Variants in CTNNA3 observed in about 807,000 individuals in gnomAD.
CTNNA3 encodes catenin alpha 3, also known as catenin alpha-3.
In CTNNA3, 76 loss-of-function variants were observed where a neutral mutation model predicts 95.7. The observed-to-expected ratio is 0.79, with a 90% CI of 0.66 to 0.96. CTNNA3 has a LOEUF of 0.96. CTNNA3 is among the 40% of genes least tolerant of loss of function. The pLI, the probability that CTNNA3 is intolerant of heterozygous loss-of-function variation, is 0.00. For synonymous variants in CTNNA3, 431 were observed against 374.4 expected (o/e 1.15, Z -1.74); for missense variants, 1,191 against 1,089.8 (o/e 1.09, Z -1.31).
chr10:65,930,444 T>A (rs2077235062), intron 17 of CTNNA3, among the ~76,000 whole-genome samples: 1 of 152,114 alleles, frequency 6.6e-6, no homozygotes, highest in East Asian at 1.9e-4. Context: ...TCTGTCAATT[T>A]TCTCCCATTG....
At chr10:66,160,180 G>A (rs1467204355) in intron 13 of CTNNA3, among the ~76,000 whole-genome samples, 1 of 151,468 alleles carries the variant, frequency 6.6e-6, no homozygotes, top group Non-Finnish European at 1.5e-5. Flanking sequence ...ATTTCATTTA[G>A]TTCTGCTTGG....
intron 10 of CTNNA3, among the ~76,000 whole-genome samples, chr10:66,584,196 T>C (rs1564549042): frequency 6.6e-6 from 1 of 152,028 alleles, no homozygotes; most frequent in Non-Finnish European, 1.5e-5. Flanking sequence ...GTTAGGCTCA[T>C]TTTTTCTAGA....
chr10:66,338,882 G>A (rs182433585), intron 12 of CTNNA3, among the ~76,000 whole-genome samples: 13 of 151,776 alleles, frequency 8.6e-5, no homozygotes, highest in Admixed American at 1.3e-4. Flanking sequence ...AAAATGTTAC[G>A]CATGAAATAA....
intron 1 of CTNNA3, among the ~76,000 whole-genome samples, chr10:67,744,214 A>G (rs1841360339): frequency 6.6e-6 from 1 of 151,358 alleles, no homozygotes. Context: ...AAGCCAAAAG[A>G]ACAAAGCTGG....
At chr10:66,631,160 A>C (rs1361861381) in intron 9 of CTNNA3, among the ~76,000 whole-genome samples, 1 of 152,172 alleles carries the variant, frequency 6.6e-6, no homozygotes, top group Non-Finnish European at 1.5e-5. Flanking sequence ...CCTCAATCAC[A>C]CAATCCGGTC....
At chr10:66,302,220 T>C (rs1468587320) in intron 12 of CTNNA3, among the ~76,000 whole-genome samples, 1 of 151,964 alleles carries the variant, frequency 6.6e-6, no homozygotes, top group Non-Finnish European at 1.5e-5. Context: ...GGACTCAGTA[T>C]GGTCTAGATG....
chr10:65,991,502 C>CT (rs796412270), intron 15 of CTNNA3, among the ~76,000 whole-genome samples: 74 of 150,012 alleles, frequency 4.9e-4, no homozygotes, highest in Non-Finnish European at 6.1e-4. Context: ...TATTCCTAGG[C>CT]TTTTTTTTTG....
intron 2 of CTNNA3, among the ~76,000 whole-genome samples, chr10:67,616,733 T>C (rs554656852): frequency 6.6e-6 from 1 of 152,352 alleles, no homozygotes; most frequent in African/African-American, 2.4e-5. Context: ...ATTTGCCTTT[T>C]AGAGTTTTTA....
chr10:67,670,225 CCA>C lies in CTNNA3; in HGVS notation c.-5-22709_-5-22708del, dbSNP rs1840405591. On this transcript the variant is annotated intron_variant, in intron 1 of 17. Transcript: ENST00000433211. ...AAGAGAGGAAGGAAATCCTTTTCTC[CCA>C]CACTCTCTGTTTCCAAAGATAATAA... 2.0e-5 allele frequency among the ~76,000 whole-genome samples: 3 copies of C among 152,248 alleles called. No individual in the cohort carries two copies. In the South Asian group the frequency reaches 6.2e-4, roughly 32 times the overall value.
chr10:65,928,347 C>A (rs77432792), intron 17 of CTNNA3, among the ~76,000 whole-genome samples: 2,875 of 152,180 alleles, frequency 0.019, 85 homozygotes, highest in African/African-American at 0.066. Context: ...TATCTTTATA[C>A]CAGCATCATA....
chr10:66,551,029 A>G (rs1842199167), intron 10 of CTNNA3, among the ~76,000 whole-genome samples: 1 of 28,486 alleles, frequency 3.5e-5, no homozygotes, highest in Non-Finnish European at 9.4e-5. Context: ...GTGAATTTAA[A>G]GAGAAAAATA....
intron 12 of CTNNA3, among the ~76,000 whole-genome samples, chr10:66,349,898 AC>A (rs2092553775): frequency 6.6e-6 from 1 of 152,170 alleles, no homozygotes; most frequent in East Asian, 1.9e-4. Context: ...CTTCTCAGTC[AC>A]CCCATCACCA....
At chr10:66,897,342 A>G (rs1368674985) in intron 7 of CTNNA3, among the ~76,000 whole-genome samples, 1 of 152,160 alleles carries the variant, frequency 6.6e-6, no homozygotes, top group Non-Finnish European at 1.5e-5. Flanking sequence ...GGGACAAAGT[A>G]AAGCAAACAA....
At chr10:67,554,281 G>A (rs574305733) in intron 3 of CTNNA3, among the ~76,000 whole-genome samples, 1 of 152,288 alleles carries the variant, frequency 6.6e-6, no homozygotes, top group Admixed American at 6.5e-5. Context: ...ACCCAGTAAT[G>A]GGATCACTGG....
chr10:66,188,094 G>A (rs966980242), intron 13 of CTNNA3, among the ~76,000 whole-genome samples: 1 of 152,076 alleles, frequency 6.6e-6, no homozygotes, highest in Non-Finnish European at 1.5e-5. Flanking sequence ...CACTAAGCTT[G>A]AAAATTAACT....
At position 67,145,436 on chromosome 10, in the gene CTNNA3, G is replaced by GT. The variant is rs57051265; in HGVS notation, c.1047+34880dup. Among the ~76,000 whole-genome samples the GT allele has an allele frequency of 4.3e-3, 618 of 143,466 alleles. 1 individual carries two copies. The highest frequency in any genetic ancestry group is 6.3e-3 in the African/African-American group (244 of 38,928). The allele number at this position is 143,466 out of a possible 152,430, so 94.1% of individuals were successfully genotyped here. Reference sequence around the variant, plus strand: ...CATTATTATTTTTTAAATTTTTTTAGTTTTTTTTTTTTTTGATGGAGTCTC... The same window carrying GT: ...CATTATTATTTTTTAAATTTTTTTAGTTTTTTTTTTTTTTTGATGGAGTCTC... On this transcript the variant is annotated intron_variant, in intron 7 of 17. Coordinates refer to ENST00000433211, the MANE Select transcript of CTNNA3 (RefSeq NM_013266.4).
At chr10:67,452,852 G>C (rs994304249) in intron 5 of CTNNA3, among the ~76,000 whole-genome samples, 1 of 152,192 alleles carries the variant, frequency 6.6e-6, no homozygotes, top group African/African-American at 2.4e-5. Flanking sequence ...TAGGAGTCAG[G>C]GGTCAGGGGG....
At chr10:67,640,736 C>T (rs1321501621) in intron 2 of CTNNA3, among the ~76,000 whole-genome samples, 1 of 152,008 alleles carries the variant, frequency 6.6e-6, no homozygotes, top group Non-Finnish European at 1.5e-5. Flanking sequence ...ACAAACCTGA[C>T]AAAAACAAGA....
At chr10:66,237,128 T>C (rs1217239104) in intron 13 of CTNNA3, among the ~76,000 whole-genome samples, 1 of 151,962 alleles carries the variant, frequency 6.6e-6, no homozygotes, top group Non-Finnish European at 1.5e-5. Context: ...AAACTAATGA[T>C]CATAATAATA....
Sources: allele counts gnomAD v4.1 joint callset (sites outside exome capture counted in the v4.1 genomes callset), GRCh38; gene constraint gnomAD v4.1.1; transcripts MANE v1.5; gene names NCBI Gene and HGNC (gene_info 2026-07-23, HGNC 2026-07-21).